GRIK2: variants seen among roughly 807,000 people sequenced by gnomAD.
GRIK2 encodes the protein glutamate receptor ionotropic, kainate 2.
Under a neutral mutation model 100.3 loss-of-function variants are expected in GRIK2, and 32 were observed. The observed-to-expected ratio is 0.32, with a 90% CI of 0.24 to 0.43. The LOEUF is 0.43. GRIK2 is among the 20% of genes least tolerant of loss of function. The pLI, the probability that GRIK2 is intolerant of heterozygous loss-of-function variation, is 1.00. For missense variants in GRIK2, 843 were observed against 1,114.9 expected (o/e 0.76, Z 3.47); for synonymous variants, 417 against 389.4 (o/e 1.07, Z -0.83).
chr6:101,899,888 G>T (rs1787726537), intron 12 of GRIK2, among the ~76,000 whole-genome samples: 2 of 152,028 alleles, frequency 1.3e-5, no homozygotes, highest in South Asian at 4.1e-4. Flanking sequence ...TCTTGGTAAT[G>T]GGGGGTGCTG....
intron 7 of GRIK2, among the ~76,000 whole-genome samples, chr6:101,756,676 G>A (rs899308912): frequency 6.6e-6 from 1 of 152,012 alleles, no homozygotes; most frequent in Admixed American, 6.6e-5. Flanking sequence ...AGCGCTCTCT[G>A]AAAATAATTT....
chr6:101,974,989 CA>C lies in GRIK2; in HGVS notation c.2085+46363del, dbSNP rs1303504603. Among the ~76,000 whole-genome samples, 9 of 151,694 alleles carry C rather than the reference CA, an allele frequency of 5.9e-5. No individual in the cohort carries two copies. The East Asian group carries it at 1.8e-3, about 30-fold the overall frequency. ...ATAGGGTAAGGTAGGATCAAGAAGACAAAAAATCTTATATAGAAATATTCAA... is the reference window on the plus strand; with the variant it reads ...ATAGGGTAAGGTAGGATCAAGAAGACAAAAATCTTATATAGAAATATTCAA... On this transcript the variant is annotated intron_variant, in intron 14 of 16. Coordinates refer to ENST00000369134, the MANE Select transcript of GRIK2 (RefSeq NM_021956.5).
At chr6:101,567,470 A>G (rs1777329189) in intron 2 of GRIK2, among the ~76,000 whole-genome samples, 1 of 151,812 alleles carries the variant, frequency 6.6e-6, no homozygotes, top group Non-Finnish European at 1.5e-5. Context: ...CTCAAAACTG[A>G]TATTATCTTT....
At chr6:101,858,869 C>T (rs942429016) in intron 10 of GRIK2, among the ~76,000 whole-genome samples, 2 of 151,178 alleles carry the variant, frequency 1.3e-5, no homozygotes, top group Non-Finnish European at 2.9e-5. Context: ...ATCCATAGAT[C>T]CCATGGAAAC....
rs569976546 is a variant in GRIK2 at position 101,853,736 on chromosome 6, C to G, written c.1318-5551C>G. ...ACAAATAAACTGTGGTATATTCACACTATGTAATATTATTCAGCAGAAAAC... is the reference window on the plus strand; with the variant it reads ...ACAAATAAACTGTGGTATATTCACAGTATGTAATATTATTCAGCAGAAAAC... On this transcript the variant is annotated intron_variant, in intron 10 of 16. Transcript: ENST00000369134. 3.9e-5 allele frequency among the ~76,000 whole-genome samples: 6 copies of G among 152,244 alleles called. No homozygotes were observed. The South Asian group carries it at 1.2e-3, about 32-fold the overall frequency.
chr6:101,769,946 C>G lies in GRIK2; in HGVS notation c.952-29702C>G, dbSNP rs533216801. Among the ~76,000 whole-genome samples, 8 of 152,288 alleles carry G rather than the reference C, an allele frequency of 5.3e-5. No homozygotes were observed. The South Asian group carries it at 1.7e-3, about 32-fold the overall frequency. Reference sequence around the variant, plus strand: ...TATCGCCAGTCCGAGGTTAGACAGGCAGTTGCTGGGCAAATGCCCTTGTAG... The same window carrying G: ...TATCGCCAGTCCGAGGTTAGACAGGGAGTTGCTGGGCAAATGCCCTTGTAG... On this transcript the variant is annotated intron_variant, in intron 7 of 16. Coordinates refer to ENST00000369134, the MANE Select transcript of GRIK2 (RefSeq NM_021956.5).
intron 11 of GRIK2, among the ~76,000 whole-genome samples, chr6:101,882,269 A>G (rs1216939143): frequency 6.6e-6 from 1 of 152,122 alleles, no homozygotes; most frequent in African/African-American, 2.4e-5. Flanking sequence ...TATTATAATA[A>G]TTCTAGTATA....
intron 4 of GRIK2, among the ~76,000 whole-genome samples, chr6:101,653,390 C>T (rs1256546771): frequency 6.6e-6 from 1 of 151,958 alleles, no homozygotes; most frequent in Non-Finnish European, 1.5e-5. Flanking sequence ...CTCCTCACCC[C>T]CACCCTGCGC....
At chr6:101,988,128 TGTGTGCGCGC>T (rs1169561237) in intron 14 of GRIK2, among the ~76,000 whole-genome samples, 264 of 20,128 alleles carry the variant, frequency 0.013, 2 homozygotes, top group African/African-American at 0.033. Flanking sequence ...TGTGTGTGTG[TGTGTGCGCGC>T]GCGCGCGCGC....
At chr6:101,686,400 T>TTGCATACATATGAACTTCTGGGTTTATA (rs781773033) in intron 7 of GRIK2, 47 bp downstream of exon 7, 5 of 1,413,068 alleles carry the variant, frequency 3.5e-6, no homozygotes, top group Non-Finnish European at 5.0e-6. Context: ...CTAAATAGTA[T>TTGCATACATATGAACTTCTGGGTTTATA]TGCATACATA....
chr6:101,856,477 A>G (rs748113540), intron 10 of GRIK2, among the ~76,000 whole-genome samples: 1 of 152,196 alleles, frequency 6.6e-6, no homozygotes, highest in Non-Finnish European at 1.5e-5. Flanking sequence ...TTTTGAGGTC[A>G]TCAGGATAAA....
intron 9 of GRIK2, among the ~76,000 whole-genome samples, chr6:101,810,400 C>T (rs995411974): frequency 2.6e-5 from 4 of 151,980 alleles, no homozygotes; most frequent in Admixed American, 6.6e-5. Context: ...TATATACTTA[C>T]TGATTTATTG....
intron 6 of GRIK2, 121 bp from the exon 7 acceptor site, chr6:101,686,059 C>A: frequency 1.6e-6 from 1 of 615,404 alleles, no homozygotes; most frequent in Non-Finnish European, 2.8e-6. Flanking sequence ...TGATGTTTAA[C>A]GTCACTTGAC....
At chr6:101,874,024 A>C (rs1582429172) in intron 11 of GRIK2, among the ~76,000 whole-genome samples, 1 of 152,018 alleles carries the variant, frequency 6.6e-6, no homozygotes, top group East Asian at 1.9e-4. Context: ...AGATTGCAAA[A>C]ATTTTCTCCC....
chr6:101,985,566 G>A (rs1381615140), intron 14 of GRIK2, among the ~76,000 whole-genome samples: 2 of 151,712 alleles, frequency 1.3e-5, no homozygotes, highest in African/African-American at 4.8e-5. Flanking sequence ...GCTTAGTGAA[G>A]CACAGTTTGT....
chr6:101,521,309 T>C (rs1774872882), intron 2 of GRIK2, among the ~76,000 whole-genome samples: 1 of 152,050 alleles, frequency 6.6e-6, no homozygotes, highest in Non-Finnish European at 1.5e-5. Context: ...CAGGTCTATT[T>C]ATTGAGATTT....
At chr6:101,559,609 A>T (rs552102455) in intron 2 of GRIK2, among the ~76,000 whole-genome samples, 1 of 152,182 alleles carries the variant, frequency 6.6e-6, no homozygotes, top group South Asian at 2.1e-4. Context: ...AAGGTTGGGA[A>T]CATAATGCTT....
chr6:101,971,411 A>C (rs2128485940), intron 14 of GRIK2, among the ~76,000 whole-genome samples: 1 of 152,176 alleles, frequency 6.6e-6, no homozygotes, highest in African/African-American at 2.4e-5. Context: ...CATATACTTA[A>C]GAATAGGTAC....
intron 7 of GRIK2, among the ~76,000 whole-genome samples, chr6:101,768,429 C>A (rs1468148725): frequency 6.6e-6 from 1 of 152,158 alleles, no homozygotes; most frequent in Non-Finnish European, 1.5e-5. Flanking sequence ...CTAATCATAG[C>A]TGCTAGCACA....
Sources: gnomAD v4.1 joint callset for allele counts (sites outside exome capture counted in the v4.1 genomes callset) on GRCh38, gnomAD v4.1.1 for gene constraint, MANE v1.5 for transcripts, NCBI Gene and HGNC (gene_info 2026-07-23, HGNC 2026-07-21) for gene names.